Variants in PCDHA10 observed in about 807,000 individuals in gnomAD.
PCDHA10 encodes the protein protocadherin alpha-10.
Under a neutral mutation model 61.2 loss-of-function variants are expected in PCDHA10, and 45 were observed. That is an observed-to-expected ratio of 0.74 (90% confidence interval 0.58 to 0.94). PCDHA10 has a LOEUF of 0.94. PCDHA10 is among the 40% of genes least tolerant of loss of function. The pLI is 0.00. For missense variants in PCDHA10, 1,278 were observed against 1,236.2 expected (o/e 1.03, Z -0.51); for synonymous variants, 602 against 548.8 (o/e 1.10, Z -1.35).
chr5:140,876,349 T>G lies in PCDHA10; in HGVS notation c.2388+17913T>G, dbSNP rs781967314. On this transcript the variant is annotated intron_variant, in intron 1 of 3. Transcript: ENST00000307360. ...TTTGCCAGTGAGTGAGAAATGTATG[T>G]TTTCAATAAATCCAGACACAGGTGA... The G allele has an allele frequency of 3.2e-5, 52 of 1,613,894 alleles. No homozygotes were observed. In the South Asian group the frequency reaches 5.1e-4, roughly 16 times the overall value.
chr5:140,957,763 T>C (rs1375605810), intron 1 of PCDHA10, among the ~76,000 whole-genome samples: 1 of 152,100 alleles, frequency 6.6e-6, no homozygotes, highest in Non-Finnish European at 1.5e-5. Context: ...TCATTATATA[T>C]GTTAAGTAAA....
chr5:140,881,538 C>CT lies in PCDHA10; in HGVS notation c.2388+23105dup, dbSNP rs1216394306. ...AAATCCCACACATATTGACTGAACA[C>CT]TTTCTTTTGAATATAAATATCTTAT... On this transcript the variant is annotated intron_variant, in intron 1 of 3. Transcript: ENST00000307360. Among the ~76,000 whole-genome samples, 3 of 152,196 alleles carry CT rather than the reference C, an allele frequency of 2.0e-5. No homozygotes were observed. In the East Asian group the frequency reaches 5.8e-4, roughly 29 times the overall value.
rs370989006 is a variant in PCDHA10 at position 141,009,739 on chromosome 5, C to T, written c.2649C>T (p.Pro883=). The change falls in exon 4 of 4, where the codon CCC becomes CCT. Residue 883 remains proline (P), a synonymous_variant. Transcript: ENST00000307360. ...AACAATCCGGTCCCGGTGAGTTGCC[C>T]GACAAATTCATTATCCCAGGATCTC... ...NPKQSGPGEL[P]DKFIIPGSPA... is the part of the protein sequence containing the mutation. 55 of 1,614,008 alleles carry T rather than the reference C, an allele frequency of 3.4e-5. No homozygotes were observed. Among genetic ancestry groups the T allele is most frequent in the African/African-American group, 2.4e-4 (18 of 74,972 alleles).
At chr5:140,917,318 A>G (rs961734758) in intron 1 of PCDHA10, among the ~76,000 whole-genome samples, 1 of 99,850 alleles carries the variant, frequency 1.0e-5, no homozygotes, top group South Asian at 3.3e-4. Context: ...TTTGGTGTTC[A>G]TGTGGCGGGG....
chr5:140,908,778 C>G (rs1452710808), intron 1 of PCDHA10, among the ~76,000 whole-genome samples: 1 of 152,184 alleles, frequency 6.6e-6, no homozygotes, highest in Non-Finnish European at 1.5e-5. Flanking sequence ...GTAGAGTCTT[C>G]TCCTGTTCTG....
intron 1 of PCDHA10, among the ~76,000 whole-genome samples, chr5:140,906,513 G>A (rs1398874448): frequency 1.3e-5 from 2 of 152,176 alleles, no homozygotes; most frequent in Non-Finnish European, 2.9e-5. Context: ...AAAGAAGGAG[G>A]AAATACTCAC....
intron 1 of PCDHA10, among the ~76,000 whole-genome samples, chr5:140,893,139 C>G (rs2063839594): frequency 6.6e-6 from 1 of 152,186 alleles, no homozygotes; most frequent in East Asian, 1.9e-4. Context: ...TCTTTATCCA[C>G]TCATCTGTTG....
chr5:140,928,863 C>T (rs1554206433), intron 1 of PCDHA10: 8 of 1,614,172 alleles, frequency 5.0e-6, no homozygotes, highest in Middle Eastern at 1.7e-4. Context: ...TGCTGTTGAG[C>T]AACTCTGTCC....
Position 140,856,518 on chromosome 5 carries a change from C to T in PCDHA10, c.470C>T (p.Ser157Phe). The T allele has an allele frequency of 6.3e-7, 1 of 1,598,510 alleles. No individual in the cohort carries two copies. Among genetic ancestry groups the T allele is most frequent in the Non-Finnish European group, 8.6e-7 (1 of 1,167,932 alleles). ...TCTCGATTTCCACTAGAAGGCGCATCTGATGCGGATGTTGGAGAGAACGCA... is the reference window on the plus strand; with the variant it reads ...TCTCGATTTCCACTAGAAGGCGCATTTGATGCGGATGTTGGAGAGAACGCA... Reference protein sequence around the residue: ...LDSRFPLEGASDADVGENALL... With the variant: ...LDSRFPLEGAFDADVGENALL... Residue 157 changes from serine (S) to phenylalanine (F), a missense_variant, in exon 1 of 4, where the codon TCT becomes TTT. Physicochemically the swap from Ser to Phe is radical, Grantham distance 155 (BLOSUM62 -2). Transcript: ENST00000307360.
chr5:140,908,836 T>C (rs1206116511), intron 1 of PCDHA10, among the ~76,000 whole-genome samples: 4 of 152,200 alleles, frequency 2.6e-5, no homozygotes, highest in African/African-American at 9.7e-5. Flanking sequence ...ATAAATGGGC[T>C]GGAGTAACAT....
chr5:141,007,277 C>T (rs2098312243), intron 3 of PCDHA10, among the ~76,000 whole-genome samples: 1 of 151,304 alleles, frequency 6.6e-6, no homozygotes, highest in Non-Finnish European at 1.5e-5. Context: ...AGGCTGGGTG[C>T]AGTGGGCTCA....
intron 1 of PCDHA10, among the ~76,000 whole-genome samples, chr5:140,941,270 T>TTTCC (rs1378866749): frequency 2.2e-5 from 3 of 136,668 alleles, no homozygotes; most frequent in Admixed American, 7.6e-5. Context: ...TCTTTCTTTC[T>TTTCC]TTCCTTCCTT....
intron 1 of PCDHA10, among the ~76,000 whole-genome samples, chr5:140,953,839 A>G (rs2094940958): frequency 6.6e-6 from 1 of 152,192 alleles, no homozygotes; most frequent in African/African-American, 2.4e-5. Flanking sequence ...TTTGTTACCC[A>G]GGTAAACATG....
At chr5:140,898,306 G>T (rs192633483) in intron 1 of PCDHA10, among the ~76,000 whole-genome samples, 3 of 152,228 alleles carry the variant, frequency 2.0e-5, no homozygotes, top group African/African-American at 4.8e-5. Flanking sequence ...TTTCTTCTAG[G>T]GTTTTTATGG....
At chr5:140,962,543 G>A (rs962454688) in intron 1 of PCDHA10, among the ~76,000 whole-genome samples, 1 of 152,176 alleles carries the variant, frequency 6.6e-6, no homozygotes, top group African/African-American at 2.4e-5. Flanking sequence ...AACTAAAAAT[G>A]TAGAGGATCT....
chr5:140,929,080 A>T, intron 1 of PCDHA10: 1 of 1,614,180 alleles, frequency 6.2e-7, no homozygotes, highest in Non-Finnish European at 8.5e-7. Flanking sequence ...GTATGGAAGT[A>T]AGATGGTTTC....
chr5:140,957,322 A>G (rs1356606026), intron 1 of PCDHA10, among the ~76,000 whole-genome samples: 4 of 152,202 alleles, frequency 2.6e-5, no homozygotes, highest in Admixed American at 2.0e-4. Context: ...AGGTGAGCAC[A>G]GTACAGTAAG....
intron 2 of PCDHA10, among the ~76,000 whole-genome samples, chr5:140,981,266 A>C (rs1355658823): frequency 6.6e-6 from 1 of 152,166 alleles, no homozygotes; most frequent in Non-Finnish European, 1.5e-5. Context: ...AAGATAAGCA[A>C]ATGTCTAGTT....
At chr5:140,931,758 A>G (rs1374881766) in intron 1 of PCDHA10, among the ~76,000 whole-genome samples, 1 of 151,944 alleles carries the variant, frequency 6.6e-6, no homozygotes, top group African/African-American at 2.4e-5. Flanking sequence ...GGCATTTGTT[A>G]TTTACTTCTT....
Sources: gnomAD v4.1 joint callset for allele counts (sites outside exome capture counted in the v4.1 genomes callset) on GRCh38, gnomAD v4.1.1 for gene constraint, MANE v1.5 for transcripts, NCBI Gene and HGNC (gene_info 2026-07-23, HGNC 2026-07-21) for gene names.